The following FGFR2 variants were observed in gnomAD, a reference collection of about 807,000 sequenced individuals.
The protein encoded by FGFR2 is fibroblast growth factor receptor 2.
FGFR2 carries 19 observed loss-of-function variants against 95.9 expected under a neutral mutation model. That is an observed-to-expected ratio of 0.20 (90% confidence interval 0.14 to 0.29). The LOEUF is 0.29. FGFR2 is among the 10% of genes least tolerant of loss of function. The pLI, the probability that FGFR2 is intolerant of heterozygous loss-of-function variation, is 1.00. For missense variants in FGFR2, 707 were observed against 1,056.9 expected, an observed-to-expected ratio of 0.67 and a Z score of 4.59; for synonymous variants, 392 against 393.3, an observed-to-expected ratio of 1.00 and a Z score of 0.04.
At chr10:121,541,754 A>C (rs755713865) in intron 5 of FGFR2, among the ~76,000 whole-genome samples, 11 of 152,276 alleles carry the variant, frequency 7.2e-5, no homozygotes, top group Non-Finnish European at 1.3e-4. Flanking sequence ...TAGAAGGATC[A>C]ATGTTATTCA....
At chr10:121,596,262 G>C (rs1244087445) in intron 1 of FGFR2, among the ~76,000 whole-genome samples, 1 of 152,056 alleles carries the variant, frequency 6.6e-6, no homozygotes, top group African/African-American at 2.4e-5. Context: ...TTTTCACCTC[G>C]GCACAAGCCT....
At chr10:121,557,136 T>A in intron 4 of FGFR2, among the ~76,000 whole-genome samples, 1 of 152,216 alleles carries the variant, frequency 6.6e-6, no homozygotes, top group Non-Finnish European at 1.5e-5. Context: ...GTGAAAGAAC[T>A]GAGCCCACTA....
In FGFR2 at chr10:121,575,785, G is replaced by A. The variant is rs977027778; in HGVS notation, c.110-10081C>T. On this transcript the variant is annotated intron_variant, in intron 2 of 17. Transcript: ENST00000358487. ...GCAGGAGAATCGCTTAAACCAGGGA[G>A]GCAGAGGTTGCAGTGAGCCGAGATC... Among the ~76,000 whole-genome samples, 3 of 152,072 alleles carry A rather than the reference G, an allele frequency of 2.0e-5. 1 individual carries two copies.
At chr10:121,492,217 G>A (rs1161677883) in intron 13 of FGFR2, among the ~76,000 whole-genome samples, 1 of 152,212 alleles carries the variant, frequency 6.6e-6, no homozygotes, top group African/African-American at 2.4e-5. Flanking sequence ...TTAACACTTT[G>A]AGGGTTAACT....
rs746045068 is a variant in FGFR2, at chr10:121,590,989, GCA to G, written c.109+2718_109+2719del. The stretch of plus-strand genomic sequence containing the variant: ...CACGCACGCACGCACGCGCACTCGC[GCA>G]CACACACACACACACGCACACTCTC... On this transcript the variant is annotated intron_variant, in intron 2 of 17. Coordinates refer to ENST00000358487, the MANE Select transcript of FGFR2 (RefSeq NM_000141.5). Among the ~76,000 whole-genome samples the G allele has an allele frequency of 2.7e-3, 404 of 148,786 alleles. 8 individuals are homozygous for G. Among genetic ancestry groups the G allele is most frequent in the Admixed American group, 0.022 (322 of 14,952 alleles).
intron 10 of FGFR2, among the ~76,000 whole-genome samples, chr10:121,502,456 C>G (rs1326956395): frequency 1.3e-5 from 2 of 152,124 alleles, no homozygotes; most frequent in Non-Finnish European, 2.9e-5. Flanking sequence ...AAATAATATC[C>G]ATACAATTAT....
Position 121,485,481 on chromosome 10 carries a change from G to C in FGFR2, c.2109C>G (p.Pro703=). ...GTTCCTCCACGGGAATCCCTGGGTA[G>C]GGCGAGCCCCCTAAAGTGAAGATCT... ...MWEIFTLGGS[P]YPGIPVEELF... Residue 703 remains proline, a synonymous_variant, in exon 16 of 18, where the codon CCC becomes CCG. Coordinates refer to ENST00000358487, the MANE Select transcript of FGFR2 (RefSeq NM_000141.5). The surrounding 1 kb of genome is among the most constrained non-coding windows in gnomAD (Gnocchi z 4.2). 6.2e-7 allele frequency: 1 copy of C among 1,614,116 alleles called. No individual in the cohort carries two copies. Among genetic ancestry groups the C allele is most frequent in the Non-Finnish European group, 8.5e-7 (1 of 1,180,026 alleles).
At chr10:121,489,493 A>G (rs113519522) in intron 13 of FGFR2, among the ~76,000 whole-genome samples, 9 of 152,262 alleles carry the variant, frequency 5.9e-5, no homozygotes, top group African/African-American at 1.9e-4. Flanking sequence ...GAATTGTTCC[A>G]TTAAGTTTAT....
intron 6 of FGFR2, among the ~76,000 whole-genome samples, chr10:121,524,146 A>ACACACACACACC (rs142755962): frequency 5.0e-4 from 69 of 136,864 alleles, no homozygotes; most frequent in Admixed American, 1.4e-3. Flanking sequence ...ACACACACAC[A>ACACACACACACC]CCCCAAGTTT....
rs745349225 is a variant in FGFR2 at position 121,503,848 on chromosome 10, C to A, written c.1381G>T (p.Ala461Ser). The part of the protein sequence containing the change: ...LSSTADTPML[A>S]GVSEYELPED... ...GGAAGTTCATACTCGGAGACCCCTG[C>A]CAGCATGGGGGTGTCTGCCGTTGAA... The change falls in exon 10 of 18, where the codon GCA (alanine) becomes TCA (serine). Residue 461 changes from alanine to serine, a missense_variant. Ala to Ser is a moderately conservative substitution (Grantham distance 99, BLOSUM62 1). Transcript: ENST00000358487. The A allele has an allele frequency of 6.2e-7, 1 of 1,614,150 alleles. No homozygotes were observed. Among genetic ancestry groups the A allele is most frequent in the South Asian group, 1.1e-5 (1 of 91,070 alleles).
intron 4 of FGFR2, among the ~76,000 whole-genome samples, chr10:121,560,092 C>T (rs1270278494): frequency 1.3e-5 from 2 of 152,154 alleles, no homozygotes; most frequent in Admixed American, 6.5e-5. Flanking sequence ...TCTCACTCCA[C>T]CCCCATCGTG....
chr10:121,552,307 ATTC>A (rs1355933802), intron 4 of FGFR2, among the ~76,000 whole-genome samples: 2 of 152,376 alleles, frequency 1.3e-5, no homozygotes. Context: ...ACCACTGTAA[ATTC>A]TTCATGTCTG....
At position 121,565,515 on chromosome 10, in the gene FGFR2, C is replaced by T. The variant is rs774193926; in HGVS notation, c.299G>A (p.Arg100Lys). The change falls in exon 3 of 18, where the codon AGA becomes AAA. Residue 100 changes from arginine (R) to lysine (K), a missense_variant. By Grantham distance (26) the Arg-to-Lys change is conservative. Transcript: ENST00000358487. ...EYLQIKGATP[R>K]DSGLYACTAS... ...AGTACAAGCATAGAGGCCGGAGTCTCTAGGCGTGGCGCCCTTTATCTGCAA... is the reference window on the plus strand; with the variant it reads ...AGTACAAGCATAGAGGCCGGAGTCTTTAGGCGTGGCGCCCTTTATCTGCAA... The T allele has an allele frequency of 9.9e-6, 16 of 1,614,216 alleles. No individual in the cohort carries two copies. The highest frequency in any genetic ancestry group is 1.4e-5 in the Non-Finnish European group (16 of 1,180,042).
chr10:121,479,770 CAA>C lies in FGFR2; in HGVS notation c.*85_*86del. 6.2e-7 allele frequency: 1 copy of C among 1,613,018 alleles called. No homozygotes were observed. Among genetic ancestry groups the C allele is most frequent in the Non-Finnish European group, 8.5e-7 (1 of 1,179,108 alleles). The stretch of plus-strand genomic sequence containing the variant: ...TCTGATCCATATATACAAGTGGAGA[CAA>C]CAAGCTCTGGGAGGCATGGTCTCCC... On this transcript the variant is annotated 3_prime_UTR_variant, in exon 18 of 18. Transcript: ENST00000358487.
chr10:121,504,013 C>T (rs1847951890), intron 9 of FGFR2, 72 bp from the exon 10 acceptor site: 1 of 1,572,808 alleles, frequency 6.4e-7, no homozygotes, highest in Non-Finnish European at 8.7e-7. Flanking sequence ...AGCCAGAGCC[C>T]AGCCAGAGTA....
chr10:121,520,020 T>TTCC lies in FGFR2; in HGVS notation c.897_898insGGA (p.Ser299_Lys300insGly). 1.2e-6 allele frequency: 2 copies of TTCC among 1,614,222 alleles called. No individual in the cohort carries two copies. The highest frequency in any genetic ancestry group is 1.7e-6 in the Non-Finnish European group (2 of 1,180,040). ...TAGGGCAGCCCGTCGGGCCCGTATT[T>TTCC]ACTGCCGTTCTTTTCCACGTGCTTG... On this transcript the variant is annotated inframe_insertion, in exon 7 of 18. Coordinates refer to ENST00000358487, the MANE Select transcript of FGFR2 (RefSeq NM_000141.5).
At chr10:121,497,067 G>A (rs1340736852) in intron 12 of FGFR2, among the ~76,000 whole-genome samples, 1 of 147,840 alleles carries the variant, frequency 6.8e-6, no homozygotes, top group Non-Finnish European at 1.5e-5. Flanking sequence ...GGAGGTGGAG[G>A]CTGTAGTGAG....
intron 17 of FGFR2, among the ~76,000 whole-genome samples, chr10:121,483,358 A>C (rs901381753): frequency 1.3e-5 from 2 of 152,216 alleles, no homozygotes; most frequent in African/African-American, 2.4e-5. Flanking sequence ...TTGCACAGGA[A>C]TCCAAGCTTT....
intron 2 of FGFR2, among the ~76,000 whole-genome samples, chr10:121,577,411 G>T (rs1235419540): frequency 1.3e-5 from 2 of 151,708 alleles, no homozygotes; most frequent in Admixed American, 1.3e-4. Context: ...AAAAAAGCAA[G>T]GCTGCCTAGC....
Sources: gnomAD v4.1 joint callset for allele counts (sites outside exome capture counted in the v4.1 genomes callset) on GRCh38, gnomAD v4.1.1 for gene constraint, Gnocchi (gnomAD v3.1) non-coding constraint, MANE v1.5 for transcripts, NCBI Gene and HGNC (gene_info 2026-07-23, HGNC 2026-07-21) for gene names.